FMN2: variants seen among roughly 807,000 people sequenced by gnomAD.
FMN2 encodes the protein formin-2.
Under a neutral mutation model 142.3 loss-of-function variants are expected in FMN2, and 51 were observed. That is an observed-to-expected ratio of 0.36 (90% CI 0.29 to 0.45). FMN2 has a LOEUF of 0.45. Among genes scored for constraint, FMN2 ranks in the 20% least tolerant of loss-of-function variants. FMN2 has a pLI of 1.00. For missense variants in FMN2, 1,936 were observed against 2,122.8 expected (o/e 0.91, Z 1.73); for synonymous variants, 882 against 869.8 (o/e 1.01, Z -0.25).
At chr1:240,235,575 C>A (rs576141062) in intron 6 of FMN2, among the ~76,000 whole-genome samples, 5 of 143,816 alleles carry the variant, frequency 3.5e-5, no homozygotes, top group Admixed American at 2.1e-4. Flanking sequence ...CCATGCCTGG[C>A]TAATTAAAAA....
chr1:240,245,914 C>A (rs533362645), intron 6 of FMN2, among the ~76,000 whole-genome samples: 2 of 149,682 alleles, frequency 1.3e-5, no homozygotes, highest in Non-Finnish European at 3.0e-5. Flanking sequence ...GGCACAGTGG[C>A]TTACGCCTGT....
At chr1:240,397,161 G>A (rs1028748601) in intron 15 of FMN2, among the ~76,000 whole-genome samples, 2 of 152,160 alleles carry the variant, frequency 1.3e-5, no homozygotes, top group Non-Finnish European at 2.9e-5. Flanking sequence ...ACTGGTGTGA[G>A]ATAGTATCCC....
chr1:240,230,393 TG>T (rs1398822003), intron 6 of FMN2, among the ~76,000 whole-genome samples: 1 of 130,784 alleles, frequency 7.6e-6, no homozygotes, highest in East Asian at 2.3e-4. Flanking sequence ...ATAGTGTAAA[TG>T]AAGTTAAAAT....
At chr1:240,097,556 C>T (rs934352541) in intron 1 of FMN2, among the ~76,000 whole-genome samples, 13 of 151,994 alleles carry the variant, frequency 8.6e-5, no homozygotes, top group Non-Finnish European at 1.6e-4. Flanking sequence ...GGGGTTTCAC[C>T]GTGTTAGCCA....
At chr1:240,387,497 A>G (rs1673446415) in intron 14 of FMN2, among the ~76,000 whole-genome samples, 1 of 152,236 alleles carries the variant, frequency 6.6e-6, no homozygotes, top group African/African-American at 2.4e-5. Context: ...CTAAGGAGCT[A>G]TTAGCCTCTG....
At chr1:240,170,090 A>G in intron 2 of FMN2, 1 of 598,110 alleles carries the variant, frequency 1.7e-6, no homozygotes, top group Non-Finnish European at 3.0e-6. Flanking sequence ...GAGAATAGCA[A>G]CAGTTCCTCT....
intron 5 of FMN2, among the ~76,000 whole-genome samples, chr1:240,210,773 C>A (rs1461225939): frequency 6.6e-6 from 1 of 152,108 alleles, no homozygotes; most frequent in South Asian, 2.1e-4. Context: ...AGAGATCAGA[C>A]ATTTCTTGCC....
At chr1:240,310,583 A>C (rs1388450548) in intron 8 of FMN2, among the ~76,000 whole-genome samples, 2 of 152,246 alleles carry the variant, frequency 1.3e-5, no homozygotes, top group Non-Finnish European at 2.9e-5. Context: ...TTTTAAAAAC[A>C]AAAATCATTA....
chr1:240,121,040 A>G (rs968695893), intron 1 of FMN2, among the ~76,000 whole-genome samples: 3 of 152,170 alleles, frequency 2.0e-5, no homozygotes, highest in Non-Finnish European at 4.4e-5. Context: ...GCATGCCTGT[A>G]GTCCCAGCTA....
intron 2 of FMN2, among the ~76,000 whole-genome samples, chr1:240,157,024 T>C (rs1664051759): frequency 6.6e-6 from 1 of 152,212 alleles, no homozygotes; most frequent in Non-Finnish European, 1.5e-5. Flanking sequence ...CTTGCTGATA[T>C]CTAGAAAATG....
At chr1:240,418,056 A>G (rs1251334605) in intron 15 of FMN2, among the ~76,000 whole-genome samples, 1 of 152,002 alleles carries the variant, frequency 6.6e-6, no homozygotes, top group Non-Finnish European at 1.5e-5. Context: ...TATATTGTCC[A>G]TCTATTTATT....
At chr1:240,306,169 C>T (rs1027054956) in intron 8 of FMN2, among the ~76,000 whole-genome samples, 10 of 151,988 alleles carry the variant, frequency 6.6e-5, no homozygotes, top group Admixed American at 6.6e-5. Flanking sequence ...AGGCTGGTCT[C>T]GGACTCCTGA....
intron 2 of FMN2, among the ~76,000 whole-genome samples, chr1:240,146,999 G>A (rs551572932): frequency 2.3e-4 from 35 of 152,308 alleles, no homozygotes; most frequent in African/African-American, 8.4e-4. Flanking sequence ...ACCCCGTGGT[G>A]AATGCAGATT....
chr1:240,204,612 G>A (rs1177738921), intron 4 of FMN2, among the ~76,000 whole-genome samples: 1 of 152,190 alleles, frequency 6.6e-6, no homozygotes, highest in South Asian at 2.1e-4. Flanking sequence ...TTAGCCGGGC[G>A]TGGTGGCACA....
intron 13 of FMN2, among the ~76,000 whole-genome samples, chr1:240,337,826 T>C (rs1399224472): frequency 2.0e-5 from 3 of 152,228 alleles, no homozygotes; most frequent in African/African-American, 7.2e-5. Context: ...TTTAGCATTT[T>C]ATAATAACAT....
intron 15 of FMN2, among the ~76,000 whole-genome samples, chr1:240,417,463 G>A (rs931394457): frequency 6.6e-6 from 1 of 151,828 alleles, no homozygotes. Flanking sequence ...ATAGGGCCTG[G>A]TACTGTGAAT....
intron 6 of FMN2, among the ~76,000 whole-genome samples, chr1:240,256,680 G>A (rs890411585): frequency 1.3e-5 from 2 of 152,098 alleles, no homozygotes; most frequent in African/African-American, 4.8e-5. Context: ...GAACTCAGGA[G>A]GCGGAGGCTG....
intron 6 of FMN2, among the ~76,000 whole-genome samples, chr1:240,243,874 C>G (rs1232296798): frequency 6.6e-6 from 1 of 152,178 alleles, no homozygotes; most frequent in Non-Finnish European, 1.5e-5. Context: ...TCTATTCTTA[C>G]ATCTCTTGTT....
intron 6 of FMN2, among the ~76,000 whole-genome samples, chr1:240,228,334 A>G (rs1432157746): frequency 6.8e-5 from 5 of 73,018 alleles, no homozygotes; most frequent in Admixed American, 1.1e-4. Context: ...AAAAAAAAAG[A>G]AAAAGAAAAA....
Sources: allele counts gnomAD v4.1 joint callset (sites outside exome capture counted in the v4.1 genomes callset), GRCh38; gene constraint gnomAD v4.1.1; transcripts MANE v1.5; gene names NCBI Gene and HGNC (gene_info 2026-07-23, HGNC 2026-07-21).